The following DDHD1 variants were observed in gnomAD, a reference collection of about 807,000 sequenced individuals.
The protein encoded by DDHD1 is phospholipase DDHD1.
DDHD1 carries 49 observed loss-of-function variants against 96.4 expected under a neutral mutation model. The observed-to-expected ratio is 0.51, with a 90% CI of 0.40 to 0.64. The LOEUF (loss-of-function observed/expected upper bound fraction) is 0.64. Among genes scored for constraint, DDHD1 ranks in the 30% least tolerant of loss-of-function variants. The pLI, the probability that DDHD1 is intolerant of heterozygous loss-of-function variation, is 0.00. For missense variants in DDHD1, 1,106 were observed against 1,161.2 expected, an observed-to-expected ratio of 0.95 and a Z score of 0.69; for synonymous variants, 442 against 446.5, an observed-to-expected ratio of 0.99 and a Z score of 0.13.
chr14:53,120,131 C>G (rs1888871930), intron 1 of DDHD1, among the ~76,000 whole-genome samples: 1 of 152,178 alleles, frequency 6.6e-6, no homozygotes, highest in South Asian at 2.1e-4. Flanking sequence ...GTGCAAAAAT[C>G]ACAAGCATTC....
chr14:53,138,698 A>G (rs1181774697), intron 1 of DDHD1, among the ~76,000 whole-genome samples: 2 of 152,194 alleles, frequency 1.3e-5, no homozygotes, highest in Admixed American at 6.5e-5. Context: ...ATGCCATACA[A>G]GCCAGTAAAA....
chr14:53,051,034 C>A (rs537749871), intron 12 of DDHD1, among the ~76,000 whole-genome samples: 68 of 147,094 alleles, frequency 4.6e-4, no homozygotes, highest in African/African-American at 1.6e-3. Flanking sequence ...TAGATCAACG[C>A]AAACTGAAGT....
intron 6 of DDHD1, among the ~76,000 whole-genome samples, chr14:53,066,735 G>C (rs533949722): frequency 6.0e-4 from 92 of 152,254 alleles, no homozygotes; most frequent in Middle Eastern, 3.4e-3. Flanking sequence ...GGAAGGCCGA[G>C]GTGGGAGGAT....
chr14:53,118,558 A>G (rs758026595), intron 1 of DDHD1, among the ~76,000 whole-genome samples: 12 of 152,230 alleles, frequency 7.9e-5, no homozygotes, highest in Non-Finnish European at 1.2e-4. Flanking sequence ...AAGAAAAAAT[A>G]TCAGTGACTG....
At chr14:53,067,888 G>A (rs1003589109) in intron 6 of DDHD1, among the ~76,000 whole-genome samples, 2 of 152,042 alleles carry the variant, frequency 1.3e-5, no homozygotes, top group African/African-American at 4.8e-5. Context: ...TTATTCACTT[G>A]TTCTGTTTCT....
chr14:53,123,024 C>T (rs1299357835), intron 1 of DDHD1, among the ~76,000 whole-genome samples: 1 of 151,676 alleles, frequency 6.6e-6, no homozygotes, highest in African/African-American at 2.4e-5. Flanking sequence ...GAGAGACAGA[C>T]AGAGAATTTG....
rs142532961 is a variant in DDHD1 at position 53,112,402 on chromosome 14, C to T, written c.839-8546G>A. 8.1e-5 allele frequency among the ~76,000 whole-genome samples: 12 copies of T among 148,764 alleles called. 1 individual carries two copies. In the East Asian group the frequency reaches 1.4e-3, roughly 17 times the overall value. On this transcript the variant is annotated intron_variant, in intron 1 of 12. Transcript: ENST00000673822. ...ACTGCACTCTAGCCTGGCAACAGAG[C>T]GAGACTCCATCTCAAAAAAAAAAAA... is the stretch of plus-strand genomic sequence containing the variant.
intron 2 of DDHD1, chr14:53,103,183 T>G: frequency 2.5e-6 from 2 of 787,054 alleles, no homozygotes; most frequent in South Asian, 4.5e-5. Flanking sequence ...TACAAAAATA[T>G]GCAAGTGCTG....
At chr14:53,058,345 C>T in intron 9 of DDHD1, 132 bp downstream of exon 9, 1 of 992,756 alleles carries the variant, frequency 1.0e-6, no homozygotes, top group South Asian at 1.8e-5. Flanking sequence ...GAACTCCTGA[C>T]CTCAGATGAT....
In DDHD1 at chr14:53,112,366, G is replaced by A. The variant is rs138440222; in HGVS notation, c.839-8510C>T. ...CAGAAGGCAGAGGTTGCAGTGAGCT[G>A]AGATCGTGCCACTGCACTCTAGCCT... On this transcript the variant is annotated intron_variant, in intron 1 of 12. Transcript: ENST00000673822. Among the ~76,000 whole-genome samples the A allele has an allele frequency of 1.5e-3, 231 of 151,536 alleles. 1 individual carries two copies. The highest frequency in any genetic ancestry group is 2.7e-3 in the Non-Finnish European group (185 of 67,946).
intron 1 of DDHD1, among the ~76,000 whole-genome samples, chr14:53,113,340 TTTC>T (rs1011143818): frequency 2.0e-5 from 3 of 149,934 alleles, no homozygotes; most frequent in African/African-American, 7.4e-5. Context: ...CATTCTATAT[TTTC>T]TTTTTCTTTT....
chr14:53,074,998 T>C (rs1884833857), intron 4 of DDHD1, among the ~76,000 whole-genome samples: 1 of 152,178 alleles, frequency 6.6e-6, no homozygotes, highest in African/African-American at 2.4e-5. Flanking sequence ...GTATGTGGTC[T>C]GACTGTTCCA....
At chr14:53,070,167 T>A (rs544228911) in intron 6 of DDHD1, among the ~76,000 whole-genome samples, 1 of 152,292 alleles carries the variant, frequency 6.6e-6, no homozygotes, top group South Asian at 2.1e-4. Context: ...TCCTCCTCCC[T>A]CCACTCTCAC....
At chr14:53,129,630 T>A (rs562906575) in intron 1 of DDHD1, among the ~76,000 whole-genome samples, 19 of 143,836 alleles carry the variant, frequency 1.3e-4, no homozygotes, top group Non-Finnish European at 2.5e-4. Flanking sequence ...AGCACCACCC[T>A]CCCGCCCATG....
At position 53,099,610 on chromosome 14, in the gene DDHD1, T is replaced by C. The variant is rs8020683; in HGVS notation, c.1012+4073A>G. On this transcript the variant is annotated intron_variant, in intron 2 of 12. Transcript: ENST00000673822. ...GTTCAACCTATTTTTTACTGATTAC[T>C]ATGCATGTTTGGATCAATAAGATGT... is the stretch of plus-strand genomic sequence containing the variant. Among the ~76,000 whole-genome samples the C allele has an allele frequency of 8.3e-4, 126 of 152,354 alleles. 1 individual carries two copies. The highest frequency in any genetic ancestry group is 6.8e-3 in the Middle Eastern group (2 of 294).
chr14:53,068,979 A>G lies in DDHD1; in HGVS notation c.1503+3618T>C, dbSNP rs191403071. 2.6e-5 allele frequency among the ~76,000 whole-genome samples: 4 copies of G among 152,304 alleles called. No individual in the cohort carries two copies. In the East Asian group the frequency reaches 7.7e-4, roughly 29 times the overall value. ...CTTTGGCATTCTACTGTAAGCAAGG[A>G]TTCTCCTTTCTCCCCATTTATTTGC... On this transcript the variant is annotated intron_variant, in intron 6 of 12. Coordinates refer to ENST00000673822, the MANE Select transcript of DDHD1 (RefSeq NM_001160148.2).
At chr14:53,093,817 G>C in intron 2 of DDHD1, 1 of 167,310 alleles carries the variant, frequency 6.0e-6, no homozygotes, top group South Asian at 1.5e-4. Context: ...CAATAGCTTT[G>C]ACAGAGCAAC....
Position 53,097,298 on chromosome 14 carries a change from G to A in DDHD1, c.1013-3854C>T, listed in dbSNP as rs138070621. Among the ~76,000 whole-genome samples, 53 of 152,064 alleles carry A rather than the reference G, an allele frequency of 3.5e-4. 1 individual carries two copies. The highest frequency in any genetic ancestry group is 1.3e-3 in the African/African-American group (52 of 41,550). ...AGATGTAGTATATGCAAAGATTTGT[G>A]TAATAAAAGTAATTGAGAAATGCTT... On this transcript the variant is annotated intron_variant, in intron 2 of 12. Transcript: ENST00000673822.
At chr14:53,117,406 C>T (rs550839581) in intron 1 of DDHD1, among the ~76,000 whole-genome samples, 1 of 152,294 alleles carries the variant, frequency 6.6e-6, no homozygotes. Flanking sequence ...GAAGCTGTGA[C>T]AGACTGTACC....
Sources: allele counts gnomAD v4.1 joint callset (sites outside exome capture counted in the v4.1 genomes callset), GRCh38; gene constraint gnomAD v4.1.1; transcripts MANE v1.5; gene names NCBI Gene and HGNC (gene_info 2026-07-23, HGNC 2026-07-21).